Variants in KCTD8 observed in about 807,000 individuals in gnomAD.
KCTD8 encodes the protein potassium channel tetramerization domain containing 8, also known as BTB/POZ domain-containing protein KCTD8.
Under a neutral mutation model 31.5 loss-of-function variants are expected in KCTD8, and 27 were observed. The ratio of observed to expected loss-of-function variants is 0.86; its 90% CI spans 0.63 to 1.18. The LOEUF is 1.18. KCTD8 is among the 50% of genes most tolerant of loss of function. KCTD8 has a pLI of 0.00. For missense variants in KCTD8, 658 were observed against 647.7 expected (o/e 1.02, Z -0.17); for synonymous variants, 290 against 280.0 (o/e 1.04, Z -0.36).
chr4:44,335,429 C>T (rs1356681834), intron 1 of KCTD8, among the ~76,000 whole-genome samples: 1 of 151,694 alleles, frequency 6.6e-6, no homozygotes, highest in Non-Finnish European at 1.5e-5. Context: ...ATATAACAAA[C>T]CTCCACATGT....
intron 1 of KCTD8, among the ~76,000 whole-genome samples, chr4:44,261,112 G>A (rs938345948): frequency 6.6e-6 from 1 of 151,926 alleles, no homozygotes; most frequent in Admixed American, 6.6e-5. Context: ...TTGCATATGA[G>A]ATGTAAGAGA....
intron 1 of KCTD8, among the ~76,000 whole-genome samples, chr4:44,386,907 G>C (rs554366609): frequency 6.6e-6 from 1 of 151,756 alleles, no homozygotes; most frequent in Non-Finnish European, 1.5e-5. Flanking sequence ...GAAATAAAGG[G>C]CATTCAAACA....
At chr4:44,362,675 T>C (rs1719529082) in intron 1 of KCTD8, among the ~76,000 whole-genome samples, 2 of 151,948 alleles carry the variant, frequency 1.3e-5, no homozygotes. Context: ...ATATTTCAAA[T>C]GATACTACAG....
chr4:44,184,014 C>A (rs1713506648), intron 1 of KCTD8, among the ~76,000 whole-genome samples: 1 of 152,154 alleles, frequency 6.6e-6, no homozygotes, highest in Admixed American at 6.5e-5. Context: ...CAAACATTTA[C>A]TGAGCACCTA....
At chr4:44,225,264 C>T (rs946281533) in intron 1 of KCTD8, among the ~76,000 whole-genome samples, 1 of 152,212 alleles carries the variant, frequency 6.6e-6, no homozygotes, top group Non-Finnish European at 1.5e-5. Flanking sequence ...ATTTGATTGG[C>T]TTCTAAACAT....
chr4:44,350,829 T>C (rs146288106), intron 1 of KCTD8, among the ~76,000 whole-genome samples: 6 of 152,280 alleles, frequency 3.9e-5, no homozygotes, highest in African/African-American at 1.4e-4. Context: ...TCAGCCTAAG[T>C]CCTTGAAAGG....
intron 1 of KCTD8, among the ~76,000 whole-genome samples, chr4:44,335,543 A>T (rs962418414): frequency 2.0e-5 from 3 of 152,130 alleles, no homozygotes; most frequent in Non-Finnish European, 4.4e-5. Flanking sequence ...TCACTCACAT[A>T]TTCATTAGAA....
chr4:44,206,606 C>T (rs771464996), intron 1 of KCTD8, among the ~76,000 whole-genome samples: 3 of 152,190 alleles, frequency 2.0e-5, no homozygotes, highest in Non-Finnish European at 2.9e-5. Flanking sequence ...CTTCCTTTGC[C>T]CTCTGGGAGC....
intron 1 of KCTD8, among the ~76,000 whole-genome samples, chr4:44,420,911 A>G (rs1303462063): frequency 2.0e-5 from 3 of 152,086 alleles, no homozygotes; most frequent in Admixed American, 6.6e-5. Context: ...AAAATAGAGT[A>G]GGGTTAGTGG....
intron 1 of KCTD8, among the ~76,000 whole-genome samples, chr4:44,304,434 A>C (rs2109394621): frequency 6.6e-6 from 1 of 152,266 alleles, no homozygotes; most frequent in African/African-American, 2.4e-5. Context: ...GGATCAAAAC[A>C]TTTTTTTGTT....
intron 1 of KCTD8, among the ~76,000 whole-genome samples, chr4:44,251,051 A>G (rs1715817015): frequency 6.6e-6 from 1 of 151,680 alleles, no homozygotes; most frequent in Non-Finnish European, 1.5e-5. Flanking sequence ...AGTTTTCCAT[A>G]TGGATAGCCA....
At chr4:44,415,899 G>T (rs562098105) in intron 1 of KCTD8, among the ~76,000 whole-genome samples, 1 of 152,226 alleles carries the variant, frequency 6.6e-6, no homozygotes, top group Admixed American at 6.5e-5. Context: ...CCCACCAGGG[G>T]ACTGTCAGGT....
intron 1 of KCTD8, among the ~76,000 whole-genome samples, chr4:44,407,177 T>C (rs1720820198): frequency 1.3e-5 from 2 of 152,136 alleles, no homozygotes; most frequent in African/African-American, 4.8e-5. Context: ...AAAACACAGA[T>C]TGCAGCAGCA....
chr4:44,292,171 C>T (rs1560417228), intron 1 of KCTD8, among the ~76,000 whole-genome samples: 2 of 152,022 alleles, frequency 1.3e-5, no homozygotes, highest in Admixed American at 1.3e-4. Context: ...TACACGTGTA[C>T]CTGTATGTTA....
At chr4:44,393,519 C>A (rs577102733) in intron 1 of KCTD8, among the ~76,000 whole-genome samples, 1 of 148,518 alleles carries the variant, frequency 6.7e-6, no homozygotes, top group South Asian at 2.1e-4. Context: ...AAAGTTCACA[C>A]TGAAAAAAAA....
At chr4:44,339,737 A>G (rs902092144) in intron 1 of KCTD8, among the ~76,000 whole-genome samples, 2 of 152,210 alleles carry the variant, frequency 1.3e-5, no homozygotes, top group African/African-American at 2.4e-5. Flanking sequence ...GAAGGAACAT[A>G]CACCAAGGTA....
intron 1 of KCTD8, among the ~76,000 whole-genome samples, chr4:44,295,538 C>CAT (rs11471588): frequency 0.91 from 138,160 of 152,052 alleles, 62,982 homozygotes; most frequent in East Asian, 1. Context: ...TTAAGATAAA[C>CAT]ATTTTATTTG....
intron 1 of KCTD8, among the ~76,000 whole-genome samples, chr4:44,304,193 T>G (rs1045553982): frequency 3.3e-5 from 5 of 152,142 alleles, no homozygotes; most frequent in African/African-American, 1.2e-4. Flanking sequence ...CTTTTGTTTT[T>G]ATTAAGCCCA....
intron 1 of KCTD8, among the ~76,000 whole-genome samples, chr4:44,351,647 C>A (rs187233743): frequency 1.5e-3 from 224 of 152,140 alleles, no homozygotes; most frequent in African/African-American, 4.8e-3. Context: ...CATTCTCTAA[C>A]AATGCAACAA....
Sources: gnomAD v4.1 joint callset for allele counts (sites outside exome capture counted in the v4.1 genomes callset) on GRCh38, gnomAD v4.1.1 for gene constraint, MANE v1.5 for transcripts, NCBI Gene and HGNC (gene_info 2026-07-23, HGNC 2026-07-21) for gene names.